Variants in TNR observed in about 807,000 individuals in gnomAD.
The protein encoded by TNR is tenascin-R.
A neutral mutation model predicts 150.4 loss-of-function variants in TNR; 45 were observed. The ratio of observed to expected loss-of-function variants is 0.30; its 90% CI spans 0.24 to 0.38. The LOEUF is 0.38. Among genes scored for constraint, TNR ranks in the 10% least tolerant of loss-of-function variants. The probability of loss-of-function intolerance (pLI) is 1.00; values close to 1 mark genes in which losing one functional copy is unlikely to be tolerated. For missense variants in TNR, 1,544 were observed against 1,759.1 expected (o/e 0.88, Z 2.19); for synonymous variants, 687 against 678.4 (o/e 1.01, Z -0.20).
intron 1 of TNR, among the ~76,000 whole-genome samples, chr1:175,648,292 A>T (rs560640038): frequency 6.6e-6 from 1 of 152,274 alleles, no homozygotes; most frequent in Admixed American, 6.5e-5. Context: ...TACGTGCTCA[A>T]TGGATATAGG....
intron 1 of TNR, among the ~76,000 whole-genome samples, chr1:175,624,090 G>T (rs950793386): frequency 6.6e-6 from 1 of 152,222 alleles, no homozygotes; most frequent in Non-Finnish European, 1.5e-5. Flanking sequence ...GGCCTTCCCA[G>T]TGTATAGAAT....
intron 1 of TNR, among the ~76,000 whole-genome samples, chr1:175,707,805 A>C (rs1458626347): frequency 6.6e-6 from 1 of 152,170 alleles, no homozygotes; most frequent in African/African-American, 2.4e-5. Flanking sequence ...CTCAGTAAAT[A>C]ATTATTTAAG....
intron 14 of TNR, among the ~76,000 whole-genome samples, chr1:175,361,272 G>C (rs1330511230): frequency 1.3e-5 from 2 of 152,162 alleles, no homozygotes; most frequent in Non-Finnish European, 2.9e-5. Context: ...TTTTATCTTG[G>C]GGATAGGAGG....
chr1:175,331,080 T>TC (rs1649834821), intron 20 of TNR, among the ~76,000 whole-genome samples: 70 of 83,424 alleles, frequency 8.4e-4, no homozygotes, highest in South Asian at 2.0e-3. Context: ...TTTCTTTCCT[T>TC]CTTTCTTTCT....
intron 2 of TNR, among the ~76,000 whole-genome samples, chr1:175,496,865 G>A (rs894715587): frequency 1.3e-5 from 2 of 152,190 alleles, no homozygotes; most frequent in Non-Finnish European, 1.5e-5. Context: ...CCCTGTGAGG[G>A]AGGTAGTATC....
rs139888355 is a variant in TNR, at chr1:175,530,343, C to A, written c.-164-1974G>T. ...CAGGTCTTAGGGCCCCACACACACC[C>A]GCCTCTCTTTGGCTCTGGGCTGCCC... is the stretch of plus-strand genomic sequence containing the variant. On this transcript the variant is annotated intron_variant, in intron 1 of 22. Transcript: ENST00000367674. Among the ~76,000 whole-genome samples, 85 of 152,276 alleles carry A rather than the reference C, an allele frequency of 5.6e-4. 2 individuals are homozygous for A. In the South Asian group the frequency reaches 0.015, roughly 27 times the overall value.
chr1:175,506,160 A>G (rs935006228), intron 2 of TNR, among the ~76,000 whole-genome samples: 5 of 152,222 alleles, frequency 3.3e-5, no homozygotes, highest in African/African-American at 1.2e-4. Flanking sequence ...CTCTGGAAGG[A>G]TGATCCTATG....
chr1:175,351,628 A>T (rs562355717), intron 18 of TNR, among the ~76,000 whole-genome samples: 1 of 152,348 alleles, frequency 6.6e-6, no homozygotes. Flanking sequence ...ATACTTTCAC[A>T]TGCATTATTT....
chr1:175,388,789 T>G (rs1480984642), intron 7 of TNR, among the ~76,000 whole-genome samples: 1 of 152,230 alleles, frequency 6.6e-6, no homozygotes, highest in African/African-American at 2.4e-5. Context: ...TTTTCTTAAA[T>G]GAAAATAATT....
chr1:175,604,904 A>T (rs1663361774), intron 1 of TNR, among the ~76,000 whole-genome samples: 1 of 152,196 alleles, frequency 6.6e-6, no homozygotes, highest in Non-Finnish European at 1.5e-5. Flanking sequence ...GAAACACAAG[A>T]TGTAGCTCTT....
intron 1 of TNR, among the ~76,000 whole-genome samples, chr1:175,644,207 T>TCAACAGACACATTGTC (rs1414094412): frequency 1.3e-5 from 2 of 152,232 alleles, no homozygotes; most frequent in Non-Finnish European, 2.9e-5. Flanking sequence ...AAAATGTGCA[T>TCAACAGACACATTGTC]CAACAGACAC....
chr1:175,706,074 G>A (rs534831624), intron 1 of TNR, among the ~76,000 whole-genome samples: 5 of 152,052 alleles, frequency 3.3e-5, no homozygotes, highest in Admixed American at 2.0e-4. Flanking sequence ...CTCTACCCCC[G>A]CCAACCCCCC....
rs561396562 is a variant in TNR, at chr1:175,373,214, G to A, written c.1964-5917C>T. Among the ~76,000 whole-genome samples, 3 of 152,258 alleles carry A rather than the reference G, an allele frequency of 2.0e-5. No homozygotes were observed. In the South Asian group the frequency reaches 6.2e-4, roughly 32 times the overall value. On this transcript the variant is annotated intron_variant, in intron 9 of 22. Coordinates refer to ENST00000367674, the MANE Select transcript of TNR (RefSeq NM_003285.3). ...GAGGGCATCCCAGACAAAGGAAACAGGGCATGCAAAGGCAGCTCTGGCAAA... is the reference window on the plus strand; with the variant it reads ...GAGGGCATCCCAGACAAAGGAAACAAGGCATGCAAAGGCAGCTCTGGCAAA...
At chr1:175,428,074 T>C (rs1161240289) in intron 2 of TNR, among the ~76,000 whole-genome samples, 4 of 152,196 alleles carry the variant, frequency 2.6e-5, no homozygotes, top group Non-Finnish European at 4.4e-5. Flanking sequence ...GTTAAGAAGA[T>C]AGACATTCTA....
In TNR at chr1:175,435,245, TA is replaced by T. The variant is rs540520727; in HGVS notation, c.-63-28469del. ...ATGAAGGTGGCTTGAACCTGGGTGGTAGTGGAAGAACAAGTATGTCATGGTC... is the reference window on the plus strand; with the variant it reads ...ATGAAGGTGGCTTGAACCTGGGTGGTGTGGAAGAACAAGTATGTCATGGTC... On this transcript the variant is annotated intron_variant, in intron 2 of 22. Transcript: ENST00000367674. Among the ~76,000 whole-genome samples the T allele has an allele frequency of 1.1e-3, 163 of 152,158 alleles. 1 individual carries two copies. Among genetic ancestry groups the T allele is most frequent in the South Asian group, 3.3e-3 (16 of 4,806 alleles).
intron 1 of TNR, among the ~76,000 whole-genome samples, chr1:175,613,599 C>T (rs1156720682): frequency 2.0e-5 from 3 of 152,128 alleles, no homozygotes; most frequent in East Asian, 3.9e-4. Flanking sequence ...GGACCTGTTG[C>T]TCTGCCCTGT....
rs183213141 is a variant in TNR, at chr1:175,383,343, C to T, written c.1777+2689G>A. ...ATCTGGAGTATTCAGGTCAAAACAG[C>T]AGCCTCTGGTTGACCAGATGCCCTG... is the stretch of plus-strand genomic sequence containing the variant. On this transcript the variant is annotated intron_variant, in intron 8 of 22. Transcript: ENST00000367674. Among the ~76,000 whole-genome samples, 5 of 152,316 alleles carry T rather than the reference C, an allele frequency of 3.3e-5. 1 individual carries two copies. The highest frequency in any genetic ancestry group is 7.3e-5 in the Non-Finnish European group (5 of 68,030).
At chr1:175,627,865 A>C (rs55823465) in intron 1 of TNR, among the ~76,000 whole-genome samples, 42,682 of 152,074 alleles carry the variant, frequency 0.28, 7,043 homozygotes, top group East Asian at 0.53. Context: ...TTCTAAGAAG[A>C]CTTTGGCCTT....
At chr1:175,377,260 TC>T (rs1374069327) in intron 9 of TNR, among the ~76,000 whole-genome samples, 1 of 152,146 alleles carries the variant, frequency 6.6e-6, no homozygotes, top group Non-Finnish European at 1.5e-5. Context: ...TCAGTGAGTG[TC>T]GGATCTTCTT....
Sources: allele counts gnomAD v4.1 joint callset (sites outside exome capture counted in the v4.1 genomes callset), GRCh38; gene constraint gnomAD v4.1.1; transcripts MANE v1.5; gene names NCBI Gene and HGNC (gene_info 2026-07-23, HGNC 2026-07-21).